UGT3A1: variants seen among roughly 807,000 people sequenced by gnomAD.
UGT3A1 encodes UDP glycosyltransferase family 3 member A1, also known as UDP-glycosyltransferase 3A1.
UGT3A1 carries 40 observed loss-of-function variants against 37.6 expected under a neutral mutation model. That is an observed-to-expected ratio of 1.06 (90% CI 0.83 to 1.38). The LOEUF is 1.38. Ranked by LOEUF, UGT3A1 falls within the 40% of genes most tolerant of loss-of-function variation. The probability of loss-of-function intolerance (pLI) is 0.00; values close to 1 mark genes in which losing one functional copy is unlikely to be tolerated. For synonymous variants in UGT3A1, 256 were observed against 232.3 expected, an observed-to-expected ratio of 1.10 and a Z score of -0.93; for missense variants, 642 against 634.2, an observed-to-expected ratio of 1.01 and a Z score of -0.13.
chr5:35,989,957 G>C (rs1433836704), intron 1 of UGT3A1, among the ~76,000 whole-genome samples: 2 of 152,108 alleles, frequency 1.3e-5, no homozygotes, highest in South Asian at 2.1e-4. Context: ...CGTGGTGGCG[G>C]GCGCCTGTAG....
intron 3 of UGT3A1, among the ~76,000 whole-genome samples, chr5:35,967,644 T>C (rs1210010363): frequency 6.6e-6 from 1 of 152,218 alleles, no homozygotes. Flanking sequence ...TTGAAGATCC[T>C]AGCTTCTTTG....
At chr5:35,954,780 G>T in intron 6 of UGT3A1, 1 of 377,850 alleles carries the variant, frequency 2.6e-6, no homozygotes, top group East Asian at 4.6e-5. Flanking sequence ...GTATACTAAA[G>T]GAAAAAATAT....
At chr5:35,995,279 C>A (rs529773271), upstream of UGT3A1, among the ~76,000 whole-genome samples, 11 of 152,294 alleles carry the variant, frequency 7.2e-5, no homozygotes, top group East Asian at 1.7e-3. Flanking sequence ...ACTCCACTCC[C>A]TGATGATTCC....
chr5:35,956,219 G>C (rs1739351418), intron 5 of UGT3A1, among the ~76,000 whole-genome samples: 1 of 152,234 alleles, frequency 6.6e-6, no homozygotes, highest in African/African-American at 2.4e-5. Flanking sequence ...TACCTACACT[G>C]TATGTGCTGT....
At chr5:35,986,926 A>T (rs1561472141) in intron 2 of UGT3A1, among the ~76,000 whole-genome samples, 1 of 152,150 alleles carries the variant, frequency 6.6e-6, no homozygotes, top group Non-Finnish European at 1.5e-5. Flanking sequence ...GTATTATCAC[A>T]TGCACCCTGA....
chr5:35,960,428 A>AC (rs887975988), intron 4 of UGT3A1, among the ~76,000 whole-genome samples: 6 of 151,736 alleles, frequency 4.0e-5, no homozygotes, highest in African/African-American at 1.2e-4. Context: ...AAGTTCCCTG[A>AC]CCCCCCCTCA....
At chr5:35,971,032 C>T (rs1199880410) in intron 2 of UGT3A1, among the ~76,000 whole-genome samples, 3 of 152,160 alleles carry the variant, frequency 2.0e-5, no homozygotes, top group Non-Finnish European at 4.4e-5. Flanking sequence ...TCAATAGGAT[C>T]TCAGTCAGTT....
At position 35,955,660 on chromosome 5, in the gene UGT3A1, A is replaced by T; in HGVS notation, c.1280T>A (p.Val427Asp). ...ADTLTLTMKQ[V>D]IEDKRYKSAV... ...AGCCACATACCTCTTGTCTTCTATG[A>T]CTTGTTTCATTGTAAGTGTCAGTGT... is the stretch of plus-strand genomic sequence containing the variant. The change falls in exon 6 of 7, where the codon GTC becomes GAC. Residue 427 changes from valine to aspartate, a missense_variant. Physicochemically the swap from Val to Asp is radical, Grantham distance 152. Coordinates refer to ENST00000274278, the MANE Select transcript of UGT3A1 (RefSeq NM_152404.4). The T allele has an allele frequency of 1.2e-6, 2 of 1,614,152 alleles. No individual in the cohort carries two copies. The highest frequency in any genetic ancestry group is 1.7e-6 in the Non-Finnish European group (2 of 1,180,040).
intron 1 of UGT3A1, among the ~76,000 whole-genome samples, chr5:35,990,625 T>C (rs1179329238): frequency 6.6e-6 from 1 of 152,126 alleles, no homozygotes; most frequent in Non-Finnish European, 1.5e-5. Flanking sequence ...AACACTCCGC[T>C]GGCATTGCAG....
At position 35,952,153 on chromosome 5, in the gene UGT3A1, C is replaced by G. The variant is rs925345543; in HGVS notation, c.*2049G>C. On this transcript the variant is annotated 3_prime_UTR_variant, in exon 7 of 7. Transcript: ENST00000274278. ...ATGACACTGGATACTGACAGATAAG[C>G]AGAAGTTTCTCATTCCAGCAAGAAT... The G allele has an allele frequency of 2.6e-5, 4 of 152,170 alleles. No individual in the cohort carries two copies. The highest frequency in any genetic ancestry group is 7.2e-5 in the African/African-American group (3 of 41,430). 9.4% of individuals were successfully genotyped at this position (152,170 alleles called of 1,614,324 possible). A position where few individuals can be genotyped will look rare whatever the true frequency, so the allele number is the denominator to read the frequency against.
At chr5:35,963,369 T>C (rs1366589198) in intron 4 of UGT3A1, among the ~76,000 whole-genome samples, 1 of 152,038 alleles carries the variant, frequency 6.6e-6, no homozygotes, top group African/African-American at 2.4e-5. Context: ...AAACCTGGAA[T>C]TGAGTTTGGG....
rs1041247528 is a variant in UGT3A1, at chr5:35,958,181, T to C, written c.844-762A>G. 2.8e-4 allele frequency among the ~76,000 whole-genome samples: 43 copies of C among 152,214 alleles called. 1 individual carries two copies. Among genetic ancestry groups the C allele is most frequent in the African/African-American group, 8.7e-4 (36 of 41,464 alleles). On this transcript the variant is annotated intron_variant, in intron 4 of 6. Coordinates refer to ENST00000274278, the MANE Select transcript of UGT3A1 (RefSeq NM_152404.4). Reference sequence around the variant, plus strand: ...AAAATTTTATATTGTGTAATGCCTTTCTTTGTCTCTTGTAAATATTTTTGA... The same window carrying C: ...AAAATTTTATATTGTGTAATGCCTTCCTTTGTCTCTTGTAAATATTTTTGA...
chr5:36,000,855 T>C (rs895532035), intron 1 of UGT3A1: 1 of 152,236 alleles, frequency 6.6e-6, no homozygotes, highest in Admixed American at 6.5e-5. Flanking sequence ...TTGCTATCAT[T>C]GATCCTATGT....
At chr5:35,978,810 G>T (rs533040723) in intron 2 of UGT3A1, among the ~76,000 whole-genome samples, 2 of 152,110 alleles carry the variant, frequency 1.3e-5, no homozygotes, top group Admixed American at 1.3e-4. Flanking sequence ...TGTCTCATCC[G>T]AGACAAGGCA....
At chr5:35,980,483 A>G (rs1002941042) in intron 2 of UGT3A1, among the ~76,000 whole-genome samples, 1 of 152,216 alleles carries the variant, frequency 6.6e-6, no homozygotes, top group Non-Finnish European at 1.5e-5. Context: ...CTGCAGAGAG[A>G]AAAGTCAAGT....
At chr5:35,961,967 G>A (rs1264038668) in intron 4 of UGT3A1, 3 of 152,132 alleles carry the variant, frequency 2.0e-5, no homozygotes, top group Non-Finnish European at 4.4e-5. Context: ...TTAGTCCTAC[G>A]TAATCCCTCC....
intron 4 of UGT3A1, among the ~76,000 whole-genome samples, chr5:35,965,061 G>A (rs1365515943): frequency 6.6e-6 from 1 of 152,146 alleles, no homozygotes; most frequent in Non-Finnish European, 1.5e-5. Context: ...CACTAACTAC[G>A]TATTTATTTT....
At chr5:35,962,988 C>T (rs1295060383) in intron 4 of UGT3A1, 1 of 699,412 alleles carries the variant, frequency 1.4e-6, no homozygotes, top group Admixed American at 2.0e-5. Context: ...CCTCATTTCC[C>T]TTCCTTCTTT....
intron 2 of UGT3A1, among the ~76,000 whole-genome samples, chr5:35,981,092 C>T (rs1176013239): frequency 6.6e-6 from 1 of 152,006 alleles, no homozygotes; most frequent in Non-Finnish European, 1.5e-5. Flanking sequence ...CGGGCAGTCA[C>T]CCAAAAACAA....
Sources: allele counts gnomAD v4.1 joint callset (sites outside exome capture counted in the v4.1 genomes callset), GRCh38; gene constraint gnomAD v4.1.1; transcripts MANE v1.5; gene names NCBI Gene and HGNC (gene_info 2026-07-23, HGNC 2026-07-21).